The following COL26A1 variants were observed in gnomAD, a reference collection of about 807,000 sequenced individuals.
COL26A1 encodes collagen alpha-1(XXVI) chain.
In COL26A1, 41 loss-of-function variants were observed where a neutral mutation model predicts 59.3. That is an observed-to-expected ratio of 0.69 (90% CI 0.54 to 0.90). COL26A1 has a LOEUF of 0.90. Ranked by LOEUF, COL26A1 falls within the 40% of genes least tolerant of loss-of-function variation. The pLI is 0.00. For synonymous variants in COL26A1, 266 were observed against 256.0 expected (o/e 1.04, Z -0.37); for missense variants, 612 against 602.3 (o/e 1.02, Z -0.17).
intron 3 of COL26A1, among the ~76,000 whole-genome samples, chr7:101,515,803 G>A (rs998513659): frequency 6.6e-6 from 1 of 151,996 alleles, no homozygotes; most frequent in Non-Finnish European, 1.5e-5. Flanking sequence ...TGCCCAGGCT[G>A]GTCTTGAACT....
chr7:101,488,098 C>A (rs374102062), intron 3 of COL26A1, among the ~76,000 whole-genome samples: 3 of 144,678 alleles, frequency 2.1e-5, no homozygotes, highest in Non-Finnish European at 4.5e-5. Context: ...CATGGTGAAA[C>A]CCCCATCTCT....
chr7:101,445,681 G>A (rs1449128204), intron 2 of COL26A1, among the ~76,000 whole-genome samples: 1 of 136,610 alleles, frequency 7.3e-6, no homozygotes. Flanking sequence ...GCAGTGAGCC[G>A]AGATCCCGCC....
At chr7:101,407,832 T>C (rs1792163120) in intron 1 of COL26A1, among the ~76,000 whole-genome samples, 1 of 152,034 alleles carries the variant, frequency 6.6e-6, no homozygotes, top group African/African-American at 2.4e-5. Flanking sequence ...CCTTCAAAGT[T>C]ATCACCCGGA....
intron 3 of COL26A1, among the ~76,000 whole-genome samples, chr7:101,520,906 C>T (rs1317044221): frequency 6.6e-6 from 1 of 152,140 alleles, no homozygotes; most frequent in African/African-American, 2.4e-5. Context: ...TTCCCAGCCC[C>T]CAGAGCTGTG....
intron 7 of COL26A1, 149 bp from the exon 8 acceptor site, chr7:101,547,007 G>A (rs1261369370): frequency 3.5e-6 from 2 of 575,028 alleles, no homozygotes; most frequent in South Asian, 2.1e-5. Flanking sequence ...AGCAGTGGGG[G>A]CAACAGTATC....
At chr7:101,415,921 C>CCATGCCTGGTCAGAA (rs1470889068) in intron 1 of COL26A1, among the ~76,000 whole-genome samples, 5 of 145,808 alleles carry the variant, frequency 3.4e-5, no homozygotes, top group African/African-American at 4.9e-5. Flanking sequence ...GCGTGAGCCA[C>CCATGCCTGGTCAGAA]TGCACCCAAC....
chr7:101,455,140 C>T (rs6964451), intron 3 of COL26A1, among the ~76,000 whole-genome samples: 60,447 of 149,610 alleles, frequency 0.4, 12,879 homozygotes, highest in Middle Eastern at 0.49. Context: ...CCTCCCAGGC[C>T]CAAGTGATCC....
At chr7:101,511,727 G>A (rs1008398822) in intron 3 of COL26A1, among the ~76,000 whole-genome samples, 10 of 152,288 alleles carry the variant, frequency 6.6e-5, no homozygotes, top group East Asian at 1.9e-4. Context: ...GGAGGACCCC[G>A]GTTCTGCTGA....
At position 101,388,433 on chromosome 7, in the gene COL26A1, A is replaced by G. The variant is rs143486345; in HGVS notation, c.158+25243A>G. Among the ~76,000 whole-genome samples the G allele has an allele frequency of 8.7e-3, 1,312 of 151,666 alleles. 36 individuals carry two copies. The highest frequency in any genetic ancestry group is 0.078 in the East Asian group (385 of 4,946). On this transcript the variant is annotated intron_variant, in intron 1 of 12. Transcript: ENST00000313669. ...GGTTGCAGTCAGCCGAGATCGCGCC[A>G]TTACACTTCAGCCTGGGCAACAAGA...
chr7:101,513,749 G>T (rs574932449), intron 3 of COL26A1, among the ~76,000 whole-genome samples: 33 of 152,252 alleles, frequency 2.2e-4, no homozygotes, highest in African/African-American at 6.5e-4. Context: ...TGGAGTTAAA[G>T]GAATAAAAGG....
rs189213678 is a variant in COL26A1 at position 101,475,624 on chromosome 7, T to C, written c.385+27837T>C. Among the ~76,000 whole-genome samples the C allele has an allele frequency of 2.3e-3, 349 of 152,026 alleles. 1 individual carries two copies. The highest frequency in any genetic ancestry group is 2.1e-3 in the Non-Finnish European group (145 of 68,004). On this transcript the variant is annotated intron_variant, in intron 3 of 12. Transcript: ENST00000313669. ...CGCGAGTGTGTGTGTTCGATGTGTG[T>C]GTGCGTATATTGTGGGCCTGGTGTG... is the stretch of plus-strand genomic sequence containing the variant.
chr7:101,423,353 G>A (rs959329429), intron 2 of COL26A1, among the ~76,000 whole-genome samples: 3 of 152,084 alleles, frequency 2.0e-5, no homozygotes, highest in African/African-American at 7.2e-5. Flanking sequence ...TCACTGACCT[G>A]GACTGAAAAT....
rs1387032420 is a variant in COL26A1, at chr7:101,400,351, C to CTTTT, written c.159-19625_159-19624insTTTT. ...GTCCACACTGCCTTTCTTTTTTTTC[C>CTTTT]TATTTTTTTTTTTTTTTTTTTTTTT... On this transcript the variant is annotated intron_variant, in intron 1 of 12. Coordinates refer to ENST00000313669, the MANE Select transcript of COL26A1 (RefSeq NM_001278563.3). Among the ~76,000 whole-genome samples the CTTTT allele has an allele frequency of 9.2e-4, 114 of 123,386 alleles. 32 individuals are homozygous for CTTTT. The highest frequency in any genetic ancestry group is 1.1e-3 in the East Asian group (5 of 4,426). 80.9% of individuals were successfully genotyped at this position (123,386 alleles called of 152,430 possible).
In COL26A1 at chr7:101,545,447, C is replaced by G. The variant is rs752056467; in HGVS notation, c.813C>G (p.Pro271=). The change falls in exon 7 of 13, where the codon CCC becomes CCG. Residue 271 remains proline, a synonymous_variant. Transcript: ENST00000313669. The part of the protein sequence containing the change: ...AGNPGPSPNS[P]QGALYSLQPP... ...ACCCAGGCCCCTCACCAAACAGCCC[C>G]CAGGGCGCCCTCTACTCCCTGCAGC... 1.9e-5 allele frequency: 30 copies of G among 1,608,596 alleles called. No individual in the cohort carries two copies. Among genetic ancestry groups the G allele is most frequent in the Non-Finnish European group, 2.4e-5 (28 of 1,178,024 alleles).
chr7:101,456,151 A>AGT (rs1793464916), intron 3 of COL26A1, among the ~76,000 whole-genome samples: 4 of 100,692 alleles, frequency 4.0e-5, no homozygotes, highest in Non-Finnish European at 7.8e-5. Context: ...CATTACTGTA[A>AGT]GTATATATAT....
chr7:101,486,717 C>T (rs2130508221), intron 3 of COL26A1, among the ~76,000 whole-genome samples: 1 of 152,356 alleles, frequency 6.6e-6, no homozygotes, highest in East Asian at 1.9e-4. Context: ...CCATAATGTC[C>T]TTTCTCCCTG....
chr7:101,461,051 A>G (rs1311865659), intron 3 of COL26A1, among the ~76,000 whole-genome samples: 1 of 152,044 alleles, frequency 6.6e-6, no homozygotes, highest in Non-Finnish European at 1.5e-5. Context: ...GAGCTATCAT[A>G]GCTCACTTCA....
chr7:101,399,479 A>G (rs1345486583), intron 1 of COL26A1, among the ~76,000 whole-genome samples: 1 of 152,020 alleles, frequency 6.6e-6, no homozygotes, highest in Non-Finnish European at 1.5e-5. Flanking sequence ...GTGCACCACC[A>G]CACCTGGCTA....
At chr7:101,495,302 CCT>C (rs1412133814) in intron 3 of COL26A1, among the ~76,000 whole-genome samples, 2 of 152,274 alleles carry the variant, frequency 1.3e-5, no homozygotes, top group South Asian at 2.1e-4. Flanking sequence ...ACTTGATTTC[CCT>C]CTCTTTCCAA....
Sources: gnomAD v4.1 joint callset for allele counts (sites outside exome capture counted in the v4.1 genomes callset) on GRCh38, gnomAD v4.1.1 for gene constraint, MANE v1.5 for transcripts, NCBI Gene and HGNC (gene_info 2026-07-23, HGNC 2026-07-21) for gene names.